RAI14: variants seen among roughly 807,000 people sequenced by gnomAD.
The protein encoded by RAI14 is ankycorbin.
RAI14 carries 45 observed loss-of-function variants against 115.4 expected under a neutral mutation model. The ratio of observed to expected loss-of-function variants is 0.39; its 90% CI spans 0.31 to 0.50. RAI14 has a LOEUF of 0.50. Among genes scored for constraint, RAI14 ranks in the 20% least tolerant of loss-of-function variants. The probability of loss-of-function intolerance (pLI) is 0.85; values close to 1 mark genes in which losing one functional copy is unlikely to be tolerated. For synonymous variants in RAI14, 371 were observed against 415.4 expected (o/e 0.89, Z 1.30); for missense variants, 939 against 1,131.2 (o/e 0.83, Z 2.44).
At chr5:34,747,933 T>A (rs575369722) in intron 2 of RAI14, among the ~76,000 whole-genome samples, 4 of 152,266 alleles carry the variant, frequency 2.6e-5, no homozygotes, top group Non-Finnish European at 5.9e-5. Context: ...ACAGATACTT[T>A]GGAAATACTA....
chr5:34,829,828 A>G (rs1240013927), intron 17 of RAI14, 31 bp downstream of exon 17: 5 of 1,541,536 alleles, frequency 3.2e-6, no homozygotes, highest in Non-Finnish European at 4.4e-6. Flanking sequence ...GTATCTGGAC[A>G]TCCTAAAGAA....
chr5:34,695,941 C>T (rs142970032), intron 2 of RAI14, among the ~76,000 whole-genome samples: 1 of 152,002 alleles, frequency 6.6e-6, no homozygotes, highest in East Asian at 1.9e-4. Context: ...CCCTGGCCTC[C>T]CAAATAGCTA....
intron 3 of RAI14, among the ~76,000 whole-genome samples, chr5:34,762,640 G>C (rs1441842311): frequency 6.6e-6 from 1 of 152,212 alleles, no homozygotes; most frequent in Non-Finnish European, 1.5e-5. Flanking sequence ...AGAGCCAAGA[G>C]TTATAGCTGC....
intron 2 of RAI14, among the ~76,000 whole-genome samples, chr5:34,708,225 C>G (rs137941366): frequency 6.7e-6 from 1 of 148,644 alleles, no homozygotes; most frequent in Non-Finnish European, 1.5e-5. Flanking sequence ...TTTTTGAGAC[C>G]GAGTTTCACT....
intron 2 of RAI14, among the ~76,000 whole-genome samples, chr5:34,690,995 T>C (rs1351736113): frequency 6.6e-6 from 1 of 152,162 alleles, no homozygotes; most frequent in Non-Finnish European, 1.5e-5. Flanking sequence ...TAAGATGATA[T>C]AGCTAACTAG....
At chr5:34,716,425 T>A (rs76637980) in intron 2 of RAI14, among the ~76,000 whole-genome samples, 2 of 151,916 alleles carry the variant, frequency 1.3e-5, no homozygotes, top group African/African-American at 4.8e-5. Flanking sequence ...TTTTTTTTTT[T>A]AATTGAGACA....
At chr5:34,825,619 G>A (rs554376024) in intron 15 of RAI14, among the ~76,000 whole-genome samples, 4 of 152,176 alleles carry the variant, frequency 2.6e-5, no homozygotes, top group South Asian at 2.1e-4. Context: ...GTGGGGAGCC[G>A]GCAATTTGAG....
At chr5:34,674,581 C>G (rs1261210229) in intron 1 of RAI14, among the ~76,000 whole-genome samples, 1 of 139,256 alleles carries the variant, frequency 7.2e-6, no homozygotes, top group South Asian at 2.2e-4. Context: ...TGAATCGGAT[C>G]TTTTGTTTTT....
intron 2 of RAI14, among the ~76,000 whole-genome samples, chr5:34,720,463 T>G (rs1742543856): frequency 5.9e-5 from 8 of 134,988 alleles, no homozygotes; most frequent in Non-Finnish European, 1.5e-5. Flanking sequence ...CAGGCTGGAG[T>G]GCAGTGGCGC....
chr5:34,679,179 A>T (rs778202355), intron 1 of RAI14, among the ~76,000 whole-genome samples: 3 of 152,164 alleles, frequency 2.0e-5, no homozygotes, highest in African/African-American at 4.8e-5. Context: ...CCCTCCCACA[A>T]TCCACACACA....
intron 4 of RAI14, among the ~76,000 whole-genome samples, chr5:34,800,413 CT>C: frequency 6.6e-6 from 1 of 152,300 alleles, no homozygotes; most frequent in East Asian, 1.9e-4. Flanking sequence ...AAATTGCTTC[CT>C]GATACTCTAG....
chr5:34,764,252 A>G (rs1006728708), intron 3 of RAI14, among the ~76,000 whole-genome samples: 2 of 152,186 alleles, frequency 1.3e-5, no homozygotes, highest in Non-Finnish European at 2.9e-5. Flanking sequence ...CCCACTCACT[A>G]GATCATTGGT....
chr5:34,716,529 C>T (rs936923597), intron 2 of RAI14, among the ~76,000 whole-genome samples: 2 of 152,088 alleles, frequency 1.3e-5, no homozygotes, highest in East Asian at 1.9e-4. Flanking sequence ...TCTCCTGCCA[C>T]GGCCTCCCAA....
At position 34,680,842 on chromosome 5, in the gene RAI14, T is replaced by A. The variant is rs1405291160; in HGVS notation, c.-48-6030T>A. ...AACACCTACTTATAAGATGATTTTT[T>A]AATTATTCTTTATTCATATCCTCAG... On this transcript the variant is annotated intron_variant, in intron 1 of 17. Transcript: ENST00000265109. Among the ~76,000 whole-genome samples the A allele has an allele frequency of 2.0e-5, 3 of 152,244 alleles. No individual in the cohort carries two copies. In the East Asian group the frequency reaches 5.8e-4, roughly 29 times the overall value.
chr5:34,819,754 A>AT (rs1470333854), intron 13 of RAI14, among the ~76,000 whole-genome samples: 1 of 152,026 alleles, frequency 6.6e-6, no homozygotes, highest in South Asian at 2.1e-4. Context: ...ACTTAGAAAT[A>AT]TTTTTTATTT....
In RAI14 at chr5:34,775,466, C is replaced by T. The variant is rs142152576; in HGVS notation, c.167+17868C>T. Reference sequence around the variant, plus strand: ...TGGGCAAAAGGTACAGTTGCAGTGGCTCATGCCTGTAATCCCAGCACTTTG... The same window carrying T: ...TGGGCAAAAGGTACAGTTGCAGTGGTTCATGCCTGTAATCCCAGCACTTTG... On this transcript the variant is annotated intron_variant, in intron 3 of 17. Transcript: ENST00000265109. 1.2e-3 allele frequency among the ~76,000 whole-genome samples: 183 copies of T among 152,260 alleles called. 1 individual carries two copies. The highest frequency in any genetic ancestry group is 4.2e-3 in the African/African-American group (175 of 41,544).
intron 5 of RAI14, among the ~76,000 whole-genome samples, chr5:34,807,503 A>G (rs1353765203): frequency 1.3e-5 from 2 of 152,050 alleles, no homozygotes; most frequent in African/African-American, 2.4e-5. Context: ...GGGGGAAAAG[A>G]AAGGATTAAG....
chr5:34,790,420 G>A (rs975721400), intron 3 of RAI14, among the ~76,000 whole-genome samples: 2 of 152,144 alleles, frequency 1.3e-5, no homozygotes, highest in Non-Finnish European at 1.5e-5. Flanking sequence ...ATAAAAACAG[G>A]ACAAAGCTAA....
At chr5:34,732,072 A>C (rs574333399) in intron 2 of RAI14, among the ~76,000 whole-genome samples, 14 of 152,210 alleles carry the variant, frequency 9.2e-5, no homozygotes, top group African/African-American at 2.6e-4. Context: ...TGGCCCCTGG[A>C]GTTGGGGTGG....
Sources: gnomAD v4.1 joint callset for allele counts (sites outside exome capture counted in the v4.1 genomes callset) on GRCh38, gnomAD v4.1.1 for gene constraint, MANE v1.5 for transcripts, NCBI Gene and HGNC (gene_info 2026-07-23, HGNC 2026-07-21) for gene names.